The following ENTPD1 variants were observed in gnomAD, a reference collection of about 807,000 sequenced individuals.
ENTPD1 encodes the protein ectonucleoside triphosphate diphosphohydrolase 1, also known as ATP diphosphohydrolase.
In ENTPD1, 33 loss-of-function variants were observed where a neutral mutation model predicts 57.0. The ratio of observed to expected loss-of-function variants is 0.58; its 90% CI spans 0.44 to 0.77. The LOEUF (loss-of-function observed/expected upper bound fraction) is 0.77, where lower values mean the gene tolerates loss of function less well. Ranked by LOEUF, ENTPD1 falls within the 30% of genes least tolerant of loss-of-function variation. ENTPD1 has a pLI of 0.00. For synonymous variants in ENTPD1, 202 were observed against 218.8 expected (o/e 0.92, Z 0.68); for missense variants, 501 against 603.4 (o/e 0.83, Z 1.78).
intron 7 of ENTPD1, among the ~76,000 whole-genome samples, chr10:95,859,122 C>A (rs572627226): frequency 2.0e-5 from 3 of 152,278 alleles, no homozygotes; most frequent in Admixed American, 6.5e-5. Flanking sequence ...AATATGCTCA[C>A]ACTTATGTTA....
chr10:95,845,340 ACTGTACTGT>A lies in ENTPD1; in HGVS notation c.574-14_574-6del. 6.2e-7 allele frequency: 1 copy of A among 1,614,162 alleles called. No individual in the cohort carries two copies. Among genetic ancestry groups the A allele is most frequent in the Non-Finnish European group, 8.5e-7 (1 of 1,180,034 alleles). The stretch of plus-strand genomic sequence containing the variant: ...TGTCCAGAGACTTCTAGCACTGGTA[ACTGTACTGT>A]CTTTCAGAAAACAAGGTGGTTCAGC... On this transcript the variant is annotated splice_region_variant and splice_polypyrimidine_tract_variant and intron_variant, in intron 5 of 9. Transcript: ENST00000371205.
intron 1 of ENTPD1, among the ~76,000 whole-genome samples, chr10:95,797,020 C>T (rs2098229216): frequency 6.6e-6 from 1 of 151,928 alleles, no homozygotes; most frequent in Non-Finnish European, 1.5e-5. Context: ...CTGTAGTGAG[C>T]TATAATTATG....
At chr10:95,839,852 G>GAGAACATGAGAGGTGTATGACCAGT in intron 3 of ENTPD1, 44 bp downstream of exon 3, 2 of 1,578,186 alleles carry the variant, frequency 1.3e-6, no homozygotes, top group Non-Finnish European at 1.7e-6. Context: ...AGTGGGGCAT[G>GAGAACATGAGAGGTGTATGACCAGT]AGAACATGAG....
Position 95,866,311 on chromosome 10 carries a change from C to CCTT in ENTPD1, c.1462_1464dup (p.Leu488dup). On this transcript the variant is annotated inframe_insertion, in exon 10 of 10. Coordinates refer to ENST00000371205, the MANE Select transcript of ENTPD1 (RefSeq NM_001776.6). Reference sequence around the variant, plus strand: ...TCCTCATGGTTCTATTCTCCCTGGTCCTTTTCACAGTGGCCATCATAGGCT... The same window carrying CCTT: ...TCCTCATGGTTCTATTCTCCCTGGTCCTTCTTTTCACAGTGGCCATCATAGGCT... 1 of 1,614,192 alleles carries CCTT rather than the reference C, an allele frequency of 6.2e-7. No homozygotes were observed. The highest frequency in any genetic ancestry group is 8.5e-7 in the Non-Finnish European group (1 of 1,180,038).
At chr10:95,733,406 T>C (rs565760081) in intron 1 of ENTPD1, among the ~76,000 whole-genome samples, 7 of 152,328 alleles carry the variant, frequency 4.6e-5, no homozygotes, top group Middle Eastern at 3.4e-3. Context: ...AACGCAATCA[T>C]GACAGGATCC....
At chr10:95,836,903 A>T (rs1218741556) in intron 2 of ENTPD1, among the ~76,000 whole-genome samples, 1 of 152,236 alleles carries the variant, frequency 6.6e-6, no homozygotes, top group Non-Finnish European at 1.5e-5. Flanking sequence ...GTCAAGCTTT[A>T]TCTGTCTCTC....
chr10:95,733,084 G>C (rs2097990990), intron 1 of ENTPD1, among the ~76,000 whole-genome samples: 1 of 152,148 alleles, frequency 6.6e-6, no homozygotes, highest in Non-Finnish European at 1.5e-5. Context: ...CTGGAGACCA[G>C]GGCTTATTTC....
At chr10:95,824,587 A>T (rs1363705182) in intron 2 of ENTPD1, among the ~76,000 whole-genome samples, 1 of 152,246 alleles carries the variant, frequency 6.6e-6, no homozygotes, top group Non-Finnish European at 1.5e-5. Context: ...TTGAAGCCTC[A>T]TGACATCTTG....
intron 1 of ENTPD1, among the ~76,000 whole-genome samples, chr10:95,767,314 CAA>C (rs1160221654): frequency 3.4e-4 from 23 of 68,130 alleles, no homozygotes; most frequent in African/African-American, 6.7e-4. Context: ...GACTCCATCT[CAA>C]AAAAAAAAAA....
chr10:95,756,625 G>A (rs1009560258), intron 1 of ENTPD1: 18 of 220,574 alleles, frequency 8.2e-5, no homozygotes, highest in African/African-American at 3.7e-4. Context: ...ACCTCAGGGT[G>A]TTTGCTTGAA....
At chr10:95,748,779 T>C (rs895819483) in intron 1 of ENTPD1, among the ~76,000 whole-genome samples, 2 of 152,246 alleles carry the variant, frequency 1.3e-5, no homozygotes, top group African/African-American at 4.8e-5. Flanking sequence ...TAAATCTCTT[T>C]TAATTTATAG....
At chr10:95,755,842 T>C (rs2098020950), upstream of ENTPD1, 1 of 1,516,940 alleles carries the variant, frequency 6.6e-7, no homozygotes, top group Non-Finnish European at 8.9e-7. Context: ...GAGATGACTT[T>C]TTCAAGGGAG....
At chr10:95,727,398 G>C (rs2139841846) in intron 1 of ENTPD1, among the ~76,000 whole-genome samples, 1 of 152,248 alleles carries the variant, frequency 6.6e-6, no homozygotes, top group East Asian at 1.9e-4. Context: ...TCTACCTCCT[G>C]TTTGGAAGTT....
intron 1 of ENTPD1, among the ~76,000 whole-genome samples, chr10:95,723,344 C>T (rs2097979669): frequency 1.3e-5 from 2 of 152,020 alleles, no homozygotes; most frequent in South Asian, 4.2e-4. Flanking sequence ...TCTCTTTTCT[C>T]CTAGCCCTTT....
At chr10:95,823,175 G>C (rs920578320) in intron 1 of ENTPD1, 62 bp from the exon 2 acceptor site, 1 of 1,606,110 alleles carries the variant, frequency 6.2e-7, no homozygotes, top group Non-Finnish European at 8.5e-7. Context: ...AGACAGAAAG[G>C]GGAGGAAAAT....
At chr10:95,766,976 C>A (rs1297202878) in intron 1 of ENTPD1, among the ~76,000 whole-genome samples, 1 of 151,458 alleles carries the variant, frequency 6.6e-6, no homozygotes, top group African/African-American at 2.4e-5. Context: ...AACTCCTGGG[C>A]TCAGGTGATC....
upstream of ENTPD1, among the ~76,000 whole-genome samples, chr10:95,707,234 C>T (rs1278570419): frequency 1.3e-5 from 2 of 152,220 alleles, no homozygotes; most frequent in Non-Finnish European, 2.9e-5. Context: ...CCTCCAAGAG[C>T]ACAGGGAGGC....
At chr10:95,735,435 G>A (rs1202166783) in intron 1 of ENTPD1, among the ~76,000 whole-genome samples, 2 of 152,202 alleles carry the variant, frequency 1.3e-5, no homozygotes, top group Non-Finnish European at 2.9e-5. Context: ...GCACAAGTAT[G>A]CGTAGTATTT....
In ENTPD1 at chr10:95,873,795, G is replaced by A; in HGVS notation, c.*7412G>A. ...ACTTACAGTTCCACATGGCTGGGGA[G>A]GCCTCAAAATCAGGTGGGAGGCAAA... is the stretch of plus-strand genomic sequence containing the variant. On this transcript the variant is annotated 3_prime_UTR_variant, in exon 10 of 10. Transcript: ENST00000371205. The A allele has an allele frequency of 1.2e-6, 1 of 816,520 alleles. No individual in the cohort carries two copies. Among genetic ancestry groups the A allele is most frequent in the Non-Finnish European group, 1.5e-6 (1 of 675,656 alleles). 50.6% of individuals were successfully genotyped at this position (816,520 alleles called of 1,614,324 possible). A position where few individuals can be genotyped will look rare whatever the true frequency, so the allele number is the denominator to read the frequency against.
Sources: gnomAD v4.1 joint callset for allele counts (sites outside exome capture counted in the v4.1 genomes callset) on GRCh38, gnomAD v4.1.1 for gene constraint, MANE v1.5 for transcripts, NCBI Gene and HGNC (gene_info 2026-07-23, HGNC 2026-07-21) for gene names.